The following IFT81 variants were observed in gnomAD, a reference collection of about 807,000 sequenced individuals.
IFT81 encodes intraflagellar transport protein 81 homolog.
A neutral mutation model predicts 102.6 loss-of-function variants in IFT81; 72 were observed. That is an observed-to-expected ratio of 0.70 (90% CI 0.58 to 0.85). The LOEUF (loss-of-function observed/expected upper bound fraction) is 0.85, where lower values mean the gene tolerates loss of function less well. IFT81 is among the 40% of genes least tolerant of loss of function. IFT81 has a pLI of 0.00. For missense variants in IFT81, 723 were observed against 787.3 expected (o/e 0.92, Z 0.98); for synonymous variants, 237 against 242.7 (o/e 0.98, Z 0.22).
At chr12:110,178,112 G>A (rs1266571625) in intron 11 of IFT81, among the ~76,000 whole-genome samples, 1 of 145,828 alleles carries the variant, frequency 6.9e-6, no homozygotes. Context: ...AAAAAAATTG[G>A]AAGGAAAAAT....
At chr12:110,207,085 A>AG (rs1404178443) in intron 17 of IFT81, among the ~76,000 whole-genome samples, 3 of 151,614 alleles carry the variant, frequency 2.0e-5, no homozygotes, top group African/African-American at 7.3e-5. Context: ...GCTGGAGTGC[A>AG]GTGGCACGAT....
chr12:110,127,482 A>G lies in IFT81; in HGVS notation c.102A>G (p.Leu34=), dbSNP rs754572604. The part of the protein sequence containing the change: ...ITFDSLEPMQ[L]LQVLSDVLAE... ...TTGATTCCTTGGAGCCAATGCAACT[A>G]TTACAAGTTCTCAGTGATGTTCTGG... The change falls in exon 2 of 19, where the codon CTA becomes CTG. Residue 34 remains leucine (L), a synonymous_variant. Coordinates refer to ENST00000242591, the MANE Select transcript of IFT81 (RefSeq NM_014055.4). The G allele has an allele frequency of 8.7e-6, 14 of 1,609,314 alleles. No individual in the cohort carries two copies. In the South Asian group the frequency reaches 1.1e-4, roughly 13 times the overall value.
chr12:110,183,616 A>G lies in IFT81; in HGVS notation c.1338+3045A>G, dbSNP rs79256766. ...TCCTTTCCACTTGGTTGTTCAGTGC[A>G]TCTTCTGCAGTGGACATTTTCCGGT... is the stretch of plus-strand genomic sequence containing the variant. On this transcript the variant is annotated intron_variant, in intron 12 of 18. Transcript: ENST00000242591. Among the ~76,000 whole-genome samples the G allele has an allele frequency of 7.0e-3, 1,067 of 152,348 alleles. 1 individual carries two copies. The highest frequency in any genetic ancestry group is 9.5e-3 in the Non-Finnish European group (643 of 68,032).
Position 110,201,807 on chromosome 12 carries a change from G to A in IFT81, c.1558-2057G>A, listed in dbSNP as rs193046478. 7.9e-5 allele frequency among the ~76,000 whole-genome samples: 12 copies of A among 152,096 alleles called. No individual in the cohort carries two copies. The East Asian group carries it at 1.4e-3, about 17-fold the overall frequency. ...AGACACACACCTAGGCCTACACAGC[G>A]TCAGGGTAATCAATATCACTGTCTT... is the stretch of plus-strand genomic sequence containing the variant. On this transcript the variant is annotated intron_variant, in intron 14 of 18. Transcript: ENST00000242591.
intron 12 of IFT81, among the ~76,000 whole-genome samples, chr12:110,190,472 T>G (rs772103502): frequency 1.3e-5 from 2 of 152,194 alleles, no homozygotes; most frequent in Non-Finnish European, 2.9e-5. Flanking sequence ...GCTTATTTAT[T>G]CCCACTAGTA....
At chr12:110,163,496 C>T (rs1236753058) in intron 11 of IFT81, among the ~76,000 whole-genome samples, 2 of 152,156 alleles carry the variant, frequency 1.3e-5, no homozygotes. Flanking sequence ...CTGCCTTGGC[C>T]TCCCAAAGTG....
intron 14 of IFT81, among the ~76,000 whole-genome samples, chr12:110,199,903 G>A (rs1470595286): frequency 6.6e-6 from 1 of 152,156 alleles, no homozygotes; most frequent in South Asian, 2.1e-4. Context: ...AGGTTCACAA[G>A]TTGAAAACAA....
intron 8 of IFT81, among the ~76,000 whole-genome samples, chr12:110,139,116 A>G (rs1894689581): frequency 6.6e-6 from 1 of 152,036 alleles, no homozygotes; most frequent in Admixed American, 6.6e-5. Context: ...CGAGCAGATC[A>G]CTTGATCCCA....
At chr12:110,192,096 G>A (rs1897824681) in intron 13 of IFT81, among the ~76,000 whole-genome samples, 1 of 151,588 alleles carries the variant, frequency 6.6e-6, no homozygotes, top group Admixed American at 6.6e-5. Context: ...ACTTTAACCT[G>A]GGAAGCAGAG....
intron 11 of IFT81, among the ~76,000 whole-genome samples, chr12:110,172,302 GCCTCTGCCT>G (rs557973551): frequency 0.013 from 1,986 of 151,722 alleles, 9 homozygotes; most frequent in Non-Finnish European, 0.017. Context: ...CTCTGCCTCT[GCCTCTGCCT>G]CCTCTGCCTC....
intron 9 of IFT81, among the ~76,000 whole-genome samples, 193 bp downstream of exon 9, chr12:110,143,738 TG>T (rs1895034426): frequency 6.6e-6 from 1 of 152,222 alleles, no homozygotes; most frequent in African/African-American, 2.4e-5. Context: ...ATCCACATGA[TG>T]TTATGAAAAC....
chr12:110,198,796 TTTTC>T (rs1397587408), intron 14 of IFT81, among the ~76,000 whole-genome samples: 8 of 151,788 alleles, frequency 5.3e-5, no homozygotes, highest in South Asian at 2.1e-4. Flanking sequence ...TTTTCTCACT[TTTTC>T]TTTCTTTCTT....
chr12:110,190,455 A>G (rs886713683), intron 12 of IFT81, among the ~76,000 whole-genome samples: 1 of 152,030 alleles, frequency 6.6e-6, no homozygotes, highest in African/African-American at 2.4e-5. Context: ...TTACTTATTT[A>G]CATATTGCTT....
intron 7 of IFT81, among the ~76,000 whole-genome samples, chr12:110,136,115 A>G (rs1894494460): frequency 6.6e-6 from 1 of 152,146 alleles, no homozygotes; most frequent in South Asian, 2.1e-4. Flanking sequence ...TGATCACAGT[A>G]CCCTCTGCAG....
intron 8 of IFT81, among the ~76,000 whole-genome samples, chr12:110,137,185 C>G (rs977659404): frequency 3.3e-5 from 5 of 152,238 alleles, no homozygotes; most frequent in African/African-American, 9.6e-5. Context: ...ACTAAACATA[C>G]AAAAATTAGC....
chr12:110,169,815 G>A (rs868202455), intron 11 of IFT81, among the ~76,000 whole-genome samples: 1 of 151,930 alleles, frequency 6.6e-6, no homozygotes, highest in Admixed American at 6.6e-5. Context: ...CGCCCACCTC[G>A]GCTTCCCAAA....
intron 13 of IFT81, among the ~76,000 whole-genome samples, chr12:110,191,927 T>C (rs1272689254): frequency 6.6e-6 from 1 of 151,934 alleles, no homozygotes; most frequent in East Asian, 1.9e-4. Context: ...TCCCAGCACT[T>C]TGGGAGGCCG....
At chr12:110,125,964 G>A (rs1893810786) in intron 1 of IFT81, among the ~76,000 whole-genome samples, 1 of 152,162 alleles carries the variant, frequency 6.6e-6, no homozygotes. Flanking sequence ...GCAGGGAAGA[G>A]AAGATGCGTA....
chr12:110,128,900 A>T, intron 3 of IFT81, 50 bp from the exon 4 acceptor site: 1 of 1,420,602 alleles, frequency 7.0e-7, no homozygotes, highest in Admixed American at 2.0e-5. Context: ...CTCTCTTCAA[A>T]GTTTACCGTT....
Sources: allele counts gnomAD v4.1 joint callset (sites outside exome capture counted in the v4.1 genomes callset), GRCh38; gene constraint gnomAD v4.1.1; transcripts MANE v1.5; gene names NCBI Gene and HGNC (gene_info 2026-07-23, HGNC 2026-07-21).